GABRG3: variants seen among roughly 807,000 people sequenced by gnomAD.
GABRG3 encodes the protein gamma-aminobutyric acid receptor subunit gamma-3.
GABRG3 carries 25 observed loss-of-function variants against 48.8 expected under a neutral mutation model. The ratio of observed to expected loss-of-function variants is 0.51; its 90% CI spans 0.37 to 0.72. The LOEUF is 0.72. GABRG3 is among the 30% of genes least tolerant of loss of function. The pLI is 0.00. For missense variants in GABRG3, 394 were observed against 577.9 expected (o/e 0.68, Z 3.26); for synonymous variants, 227 against 217.6 (o/e 1.04, Z -0.38).
At chr15:27,095,062 C>T (rs1201617169) in intron 3 of GABRG3, among the ~76,000 whole-genome samples, 2 of 152,174 alleles carry the variant, frequency 1.3e-5, no homozygotes, top group African/African-American at 4.8e-5. Flanking sequence ...CTCTGAGAGA[C>T]AGGCATCTCT....
chr15:27,070,570 G>A (rs1346087877), intron 3 of GABRG3, among the ~76,000 whole-genome samples: 11 of 152,190 alleles, frequency 7.2e-5, no homozygotes, highest in Non-Finnish European at 1.6e-4. Context: ...AGAATATTTG[G>A]TCAGTTCATA....
At chr15:27,028,907 A>G (rs373892873) in intron 3 of GABRG3, among the ~76,000 whole-genome samples, 225 of 151,582 alleles carry the variant, frequency 1.5e-3, no homozygotes, top group African/African-American at 5.3e-3. Flanking sequence ...CACATTAGGG[A>G]CTTGAAATCA....
At chr15:27,027,315 A>G (rs1896001988) in intron 3 of GABRG3, among the ~76,000 whole-genome samples, 1 of 152,186 alleles carries the variant, frequency 6.6e-6, no homozygotes, top group African/African-American at 2.4e-5. Flanking sequence ...TTAGGGTGAG[A>G]GCCTTCTGTG....
intron 5 of GABRG3, among the ~76,000 whole-genome samples, chr15:27,479,421 C>A (rs1230977411): frequency 6.6e-6 from 1 of 152,158 alleles, no homozygotes; most frequent in Non-Finnish European, 1.5e-5. Flanking sequence ...CCGGGCAACC[C>A]ACAATCAGAA....
rs1566818298 is a variant in GABRG3, at chr15:27,388,280, GAAGGAAGGAAGAAAAGAAGGAAGGAA to G, written c.574+59394_574+59419del. Among the ~76,000 whole-genome samples, 29 of 51,916 alleles carry G rather than the reference GAAGGAAGGAAGAAAAGAAGGAAGGAA, an allele frequency of 5.6e-4. 1 individual carries two copies. The highest frequency in any genetic ancestry group is 2.2e-3 in the African/African-American group (24 of 10,694). 34.1% of individuals were successfully genotyped at this position (51,916 alleles called of 152,430 possible). A position where few individuals can be genotyped will look rare whatever the true frequency, so the allele number is the denominator to read the frequency against. ...AAGGAAAGGAGGGAGGGAGGGTAAGGAAGGAAGGAAGAAAAGAAGGAAGGAAAGGGAGGGAGGGAAAAGAAGGAAGG... is the reference window on the plus strand; with the variant it reads ...AAGGAAAGGAGGGAGGGAGGGTAAGGAGGGAGGGAGGGAAAAGAAGGAAGG... On this transcript the variant is annotated intron_variant, in intron 5 of 9. Coordinates refer to ENST00000615808, the MANE Select transcript of GABRG3 (RefSeq NM_033223.5).
intron 3 of GABRG3, among the ~76,000 whole-genome samples, chr15:27,309,436 A>G (rs1392528792): frequency 6.6e-6 from 1 of 151,962 alleles, no homozygotes; most frequent in Non-Finnish European, 1.5e-5. Context: ...ATCAGTTTTG[A>G]AAAAGAACTA....
Position 26,976,942 on chromosome 15 carries a change from A to C in GABRG3, c.54-60A>C, listed in dbSNP as rs1894960501. ...CATGGTACTTGGATAGGACAAACTT[A>C]GGCTCTTCCTAGAGCCATTGCTGCC... On this transcript the variant is annotated intron_variant, in intron 1 of 9. Coordinates refer to ENST00000615808, the MANE Select transcript of GABRG3 (RefSeq NM_033223.5). The surrounding 1 kb of genome is among the most constrained non-coding windows in gnomAD (Gnocchi z 7.8). 6.3e-7 allele frequency: 1 copy of C among 1,575,206 alleles called. No individual in the cohort carries two copies.
At chr15:27,248,767 A>AACACACACACACACAC (rs150140195) in intron 3 of GABRG3, among the ~76,000 whole-genome samples, 24 of 117,082 alleles carry the variant, frequency 2.0e-4, no homozygotes, top group African/African-American at 8.0e-4. Flanking sequence ...TGAGAAGGAA[A>AACACACACACACACAC]ACACACACAC....
At chr15:27,353,424 T>TTTTATTTA in intron 5 of GABRG3, among the ~76,000 whole-genome samples, 1 of 116,490 alleles carries the variant, frequency 8.6e-6, no homozygotes, top group South Asian at 3.0e-4. Flanking sequence ...TTTTCTTTCT[T>TTTTATTTA]TCTATTTATT....
chr15:27,021,016 G>A (rs1895884602), intron 2 of GABRG3, among the ~76,000 whole-genome samples: 1 of 152,100 alleles, frequency 6.6e-6, no homozygotes, highest in Admixed American at 6.5e-5. Flanking sequence ...ATAATCTATT[G>A]TATATTTCAA....
intron 3 of GABRG3, among the ~76,000 whole-genome samples, chr15:27,267,250 G>GC (rs1338685151): frequency 2.6e-5 from 4 of 151,442 alleles, no homozygotes; most frequent in Non-Finnish European, 5.9e-5. Context: ...GAGATTGCAG[G>GC]CATGCCCCAC....
intron 3 of GABRG3, among the ~76,000 whole-genome samples, chr15:27,078,515 A>T (rs1158253395): frequency 1.3e-5 from 2 of 152,236 alleles, no homozygotes; most frequent in Admixed American, 6.5e-5. Flanking sequence ...CATATCAGGA[A>T]ATCTGTAGAT....
chr15:27,443,769 A>G (rs1183025260), intron 5 of GABRG3, among the ~76,000 whole-genome samples: 1 of 152,250 alleles, frequency 6.6e-6, no homozygotes, highest in East Asian at 1.9e-4. Flanking sequence ...TAAGTGTGAT[A>G]TTAGTTGGAG....
chr15:27,310,437 T>C (rs1892957318), intron 3 of GABRG3, among the ~76,000 whole-genome samples: 1 of 152,132 alleles, frequency 6.6e-6, no homozygotes, highest in South Asian at 2.1e-4. Flanking sequence ...TATTATTCTA[T>C]AGAGTTAACT....
intron 3 of GABRG3, among the ~76,000 whole-genome samples, chr15:27,321,048 C>T (rs1013052982): frequency 6.6e-6 from 1 of 152,168 alleles, no homozygotes; most frequent in South Asian, 2.1e-4. Context: ...CCTTGGTCCT[C>T]TGGGCTCTGA....
intron 5 of GABRG3, among the ~76,000 whole-genome samples, chr15:27,436,279 C>T (rs1004901232): frequency 6.6e-6 from 1 of 152,116 alleles, no homozygotes; most frequent in South Asian, 2.1e-4. Flanking sequence ...ATAATAAGGG[C>T]ACTAATCCCA....
At chr15:27,204,970 A>G (rs1409996405) in intron 3 of GABRG3, among the ~76,000 whole-genome samples, 1 of 152,124 alleles carries the variant, frequency 6.6e-6, no homozygotes, top group African/African-American at 2.4e-5. Flanking sequence ...CTGGGTATAG[A>G]ATCATATAGT....
chr15:27,269,217 C>T (rs1307763088), intron 3 of GABRG3, among the ~76,000 whole-genome samples: 1 of 152,170 alleles, frequency 6.6e-6, no homozygotes, highest in Non-Finnish European at 1.5e-5. Context: ...CCCAGAACTC[C>T]TCAGTGGTAT....
At chr15:27,222,596 C>T (rs1191525697) in intron 3 of GABRG3, among the ~76,000 whole-genome samples, 1 of 152,122 alleles carries the variant, frequency 6.6e-6, no homozygotes, top group Non-Finnish European at 1.5e-5. Context: ...TCAGTGTAAA[C>T]AATGACCTAA....
Sources: allele counts gnomAD v4.1 joint callset (sites outside exome capture counted in the v4.1 genomes callset), GRCh38; gene constraint gnomAD v4.1.1; non-coding constraint Gnocchi (gnomAD v3.1); transcripts MANE v1.5; gene names NCBI Gene and HGNC (gene_info 2026-07-23, HGNC 2026-07-21).